MXD3: variants seen among roughly 807,000 people sequenced by gnomAD.
MXD3 encodes the protein Max-associated protein 3.
Under a neutral mutation model 27.5 loss-of-function variants are expected in MXD3, and 20 were observed. That is an observed-to-expected ratio of 0.73 (90% confidence interval 0.51 to 1.06). The LOEUF (loss-of-function observed/expected upper bound fraction) is 1.06, where lower values mean the gene tolerates loss of function less well. Among genes scored for constraint, MXD3 ranks in the 50% least tolerant of loss-of-function variants. The probability of loss-of-function intolerance (pLI) is 0.00; values close to 1 mark genes in which losing one functional copy is unlikely to be tolerated. For synonymous variants in MXD3, 150 were observed against 130.7 expected, an observed-to-expected ratio of 1.15 and a Z score of -1.01; for missense variants, 298 against 291.3, an observed-to-expected ratio of 1.02 and a Z score of -0.17.
upstream of MXD3, chr5:177,312,555 C>A (rs1453884077): frequency 2.0e-6 from 2 of 985,332 alleles, no homozygotes; most frequent in Non-Finnish European, 2.4e-6. Flanking sequence ...CCGGCTCCTG[C>A]CCTCCGGGGT....
In MXD3 at chr5:177,311,876, C is replaced by A. The variant is rs376994945; in HGVS notation, c.-46G>T. On this transcript the variant is annotated 5_prime_UTR_variant, in exon 1 of 6. Coordinates refer to ENST00000439742, the MANE Select transcript of MXD3 (RefSeq NM_031300.4). The stretch of plus-strand genomic sequence containing the variant: ...GGCCGGCCTAGGGTGCCGGCCGGAG[C>A]AAGCGGCTGCAGCACTTTTGTTACA... The A allele has an allele frequency of 1.3e-6, 2 of 1,589,290 alleles. No homozygotes were observed. Among genetic ancestry groups the A allele is most frequent in the Admixed American group, 3.6e-5 (2 of 54,872 alleles).
At chr5:177,311,686 G>A in intron 1 of MXD3, 75 bp downstream of exon 1, 2 of 1,480,188 alleles carry the variant, frequency 1.4e-6, no homozygotes, top group Non-Finnish European at 1.8e-6. Context: ...CATCCTTCAA[G>A]CTGGGAGCCA....
chr5:177,305,700 G>A (rs370612149), downstream of MXD3: 14 of 620,582 alleles, frequency 2.3e-5, no homozygotes, highest in East Asian at 8.3e-5. Context: ...AGAGCAAAAC[G>A]ACCTTATTTA....
Position 177,308,378 on chromosome 5 carries a change from G to GT in MXD3, c.322-415dup, listed in dbSNP as rs561139172. ...GGTCTCCCCGTTTCTTTTGTTTTTT[G>GT]TTTTTTTTTTTTGAAACAGAGTCTC... On this transcript the variant is annotated intron_variant, in intron 4 of 5. Coordinates refer to ENST00000439742, the MANE Select transcript of MXD3 (RefSeq NM_031300.4). Among the ~76,000 whole-genome samples, 758 of 146,414 alleles carry GT rather than the reference G, an allele frequency of 5.2e-3. 4 individuals are homozygous for GT. The highest frequency in any genetic ancestry group is 0.012 in the Admixed American group (182 of 14,614).
downstream of MXD3, chr5:177,306,588 C>G (rs1285768887): frequency 1.2e-6 from 2 of 1,605,276 alleles, no homozygotes; most frequent in Admixed American, 3.4e-5. Flanking sequence ...ACCACCACCA[C>G]AGCACCCCAG....
intron 4 of MXD3, 126 bp from the exon 5 acceptor site, chr5:177,308,090 A>G (rs1440358216): frequency 1.5e-5 from 14 of 907,946 alleles, no homozygotes; most frequent in Non-Finnish European, 1.9e-5. Context: ...TGGCGACTAA[A>G]TCCAGGCCCC....
intron 2 of MXD3, 75 bp from the exon 3 acceptor site, chr5:177,310,772 C>G: frequency 1.3e-6 from 2 of 1,560,268 alleles, no homozygotes; most frequent in Non-Finnish European, 1.8e-6. Flanking sequence ...CCCCCAGTGG[C>G]TCAAGAGCCA....
chr5:177,312,540 C>T (rs1761063047), upstream of MXD3: 2 of 985,454 alleles, frequency 2.0e-6, no homozygotes, highest in Non-Finnish European at 1.2e-6. Context: ...GGAGGGGCGG[C>T]GGACCCGGCT....
At position 177,310,708 on chromosome 5, in the gene MXD3, C is replaced by G; in HGVS notation, c.177-11G>C. 2 of 1,614,172 alleles carry G rather than the reference C, an allele frequency of 1.2e-6. No individual in the cohort carries two copies. The highest frequency in any genetic ancestry group is 2.2e-5 in the South Asian group (2 of 91,084). On this transcript the variant is annotated splice_polypyrimidine_tract_variant and intron_variant, in intron 2 of 5. Transcript: ENST00000439742. ...TCATTGTGCACTGACCTGCCAATGC[C>G]AGAGAGGATGAGGTGAAGGGGAATC... is the stretch of plus-strand genomic sequence containing the variant.
In MXD3 at chr5:177,307,835, C is replaced by A; in HGVS notation, c.451G>T (p.Ala151Ser). ...AGGCCTGAGGAGTCCAGACTGTCCGCCCGCAGCCGCTCCCGCTCGGCCGCC... is the reference window on the plus strand; with the variant it reads ...AGGCCTGAGGAGTCCAGACTGTCCGACCGCAGCCGCTCCCGCTCGGCCGCC... ...AGAAERERLR[A>S]DSLDSSGLSS... The change falls in exon 5 of 6, where the codon GCG (alanine) becomes TCG (serine). Residue 151 changes from alanine to serine, a missense_variant. Physicochemically the swap from Ala to Ser is moderately conservative, Grantham distance 99. Transcript: ENST00000439742. 1.2e-6 allele frequency: 2 copies of A among 1,611,806 alleles called. No individual in the cohort carries two copies. The highest frequency in any genetic ancestry group is 1.7e-6 in the Non-Finnish European group (2 of 1,179,486).
upstream of MXD3, chr5:177,312,428 T>G (rs936333918): frequency 1.9e-5 from 19 of 985,522 alleles, no homozygotes; most frequent in South Asian, 1.4e-4. Flanking sequence ...CCGCCGCTGA[T>G]CCACACGTTC....
intron 2 of MXD3, chr5:177,311,073 A>T (rs1761022884): frequency 1.9e-6 from 1 of 533,742 alleles, no homozygotes; most frequent in Admixed American, 3.6e-5. Context: ...GAGAGGAGAG[A>T]AGAGGAGGAA....
chr5:177,307,631 CCGG>C lies in MXD3; in HGVS notation c.575_577del (p.Ala192del), dbSNP rs749763496. ...GCCGTGCGAGTAGCTGTGCTCCTGGCCGGCGACGAAGCCCCGCAGCAGCTCGGC... is the reference window on the plus strand; with the variant it reads ...GCCGTGCGAGTAGCTGTGCTCCTGGCCGACGAAGCCCCGCAGCAGCTCGGC... On this transcript the variant is annotated inframe_deletion, in exon 6 of 6. Transcript: ENST00000439742. 6.2e-7 allele frequency: 1 copy of C among 1,613,272 alleles called. No individual in the cohort carries two copies. The highest frequency in any genetic ancestry group is 1.1e-5 in the South Asian group (1 of 91,082).
downstream of MXD3, chr5:177,306,629 T>C (rs1237268845): frequency 1.9e-6 from 3 of 1,555,932 alleles, no homozygotes; most frequent in East Asian, 2.4e-5. Flanking sequence ...TGCCCTCCCT[T>C]CATTGTACTT....
At chr5:177,312,108 C>A (rs1761053867), upstream of MXD3, 2 of 1,143,094 alleles carry the variant, frequency 1.7e-6, no homozygotes, top group Non-Finnish European at 1.1e-6. Context: ...CTGGAGCGAA[C>A]CCTCAGGCTA....
At chr5:177,306,104 G>A, downstream of MXD3, 1 of 1,612,030 alleles carries the variant, frequency 6.2e-7, no homozygotes, top group Non-Finnish European at 8.5e-7. Flanking sequence ...CCAGGAATTT[G>A]GTCTTGCCCG....
Position 177,311,888 on chromosome 5 carries a change from G to T in MXD3, c.-58C>A. The T allele has an allele frequency of 6.4e-7, 1 of 1,573,064 alleles. No homozygotes were observed. Among genetic ancestry groups the T allele is most frequent in the South Asian group, 1.1e-5 (1 of 87,586 alleles). On this transcript the variant is annotated 5_prime_UTR_variant, in exon 1 of 6. It adds an upstream start codon to the 5' untranslated region. Coordinates refer to ENST00000439742, the MANE Select transcript of MXD3 (RefSeq NM_031300.4). ...GTGCCGGCCGGAGCAAGCGGCTGCAGCACTTTTGTTACAAAGTAACTGACA... is the reference window on the plus strand; with the variant it reads ...GTGCCGGCCGGAGCAAGCGGCTGCATCACTTTTGTTACAAAGTAACTGACA...
At chr5:177,312,353 C>T (rs1446735654), upstream of MXD3, 2 of 985,800 alleles carry the variant, frequency 2.0e-6, no homozygotes, top group African/African-American at 1.7e-5. Flanking sequence ...TCGCTGTTGT[C>T]ATCCTCGGGG....
chr5:177,312,563 G>A, upstream of MXD3: 1 of 985,438 alleles, frequency 1.0e-6, no homozygotes, highest in Non-Finnish European at 1.2e-6. Context: ...TGCCCTCCGG[G>A]GTCTGTCCCC....
Sources: allele counts gnomAD v4.1 joint callset (sites outside exome capture counted in the v4.1 genomes callset), GRCh38; gene constraint gnomAD v4.1.1; transcripts MANE v1.5; gene names NCBI Gene and HGNC (gene_info 2026-07-23, HGNC 2026-07-21).